The following CORO2B variants were observed in gnomAD, a reference collection of about 807,000 sequenced individuals.
The protein encoded by CORO2B is coronin-2B.
A neutral mutation model predicts 58.8 loss-of-function variants in CORO2B; 26 were observed. The observed-to-expected ratio is 0.44, with a 90% CI of 0.32 to 0.61. The LOEUF (loss-of-function observed/expected upper bound fraction) is 0.61. CORO2B is among the 20% of genes least tolerant of loss of function. The pLI, the probability that CORO2B is intolerant of heterozygous loss-of-function variation, is 0.04. For missense variants in CORO2B, 460 were observed against 645.1 expected (o/e 0.71, Z 3.11); for synonymous variants, 242 against 253.8 (o/e 0.95, Z 0.44).
chr15:68,536,325 A>G, the CORO2B span, among the ~76,000 whole-genome samples: 1 of 152,340 alleles, frequency 6.6e-6, no homozygotes, highest in Non-Finnish European at 1.5e-5. Context: ...CAAGAATTTC[A>G]TGTGACTTGC....
At chr15:68,552,545 GGGA>G in the CORO2B span, among the ~76,000 whole-genome samples, 59 of 152,264 alleles carry the variant, frequency 3.9e-4, no homozygotes, top group Admixed American at 1.9e-3. Flanking sequence ...CCCCATCAGA[GGGA>G]GTCTGTGTGC....
chr15:68,649,068 A>G (rs765406888), intron 2 of CORO2B, among the ~76,000 whole-genome samples: 3 of 152,204 alleles, frequency 2.0e-5, no homozygotes, highest in Non-Finnish European at 2.9e-5. Flanking sequence ...GCTTCCTCTC[A>G]ATTTCTGTAA....
At chr15:68,718,409 G>A (rs2140333001) in intron 8 of CORO2B, among the ~76,000 whole-genome samples, 1 of 152,284 alleles carries the variant, frequency 6.6e-6, no homozygotes, top group South Asian at 2.1e-4. Context: ...TCTAGAAAAG[G>A]AGTGGGCTAG....
At chr15:68,697,855 T>A (rs931869622) in intron 3 of CORO2B, among the ~76,000 whole-genome samples, 1 of 152,102 alleles carries the variant, frequency 6.6e-6, no homozygotes, top group Non-Finnish European at 1.5e-5. Flanking sequence ...CTGGGGTCAG[T>A]GGGAGAGAGG....
chr15:68,630,412 G>A (rs941998206), intron 1 of CORO2B, among the ~76,000 whole-genome samples: 1 of 136,262 alleles, frequency 7.3e-6, no homozygotes, highest in Non-Finnish European at 1.5e-5. Flanking sequence ...AGAAAACCTC[G>A]AAATGAAATG....
chr15:68,518,406 C>G, the CORO2B span, among the ~76,000 whole-genome samples: 1 of 152,164 alleles, frequency 6.6e-6, no homozygotes, highest in Non-Finnish European at 1.5e-5. Context: ...GCTTCCCTCT[C>G]CTTTCTTCTT....
the CORO2B span, among the ~76,000 whole-genome samples, chr15:68,521,277 T>C: frequency 6.6e-6 from 1 of 152,248 alleles, no homozygotes; most frequent in Non-Finnish European, 1.5e-5. Flanking sequence ...TTACATTCTG[T>C]TACTATTATT....
the CORO2B span, among the ~76,000 whole-genome samples, chr15:68,541,234 C>A: frequency 2.2e-4 from 32 of 148,132 alleles, no homozygotes; most frequent in Admixed American, 2.7e-4. Context: ...GACCCTGTCT[C>A]AAATAAAAAA....
the CORO2B span, among the ~76,000 whole-genome samples, chr15:68,545,040 C>G: frequency 1.0e-2 from 1,522 of 152,256 alleles, 25 homozygotes; most frequent in African/African-American, 0.034. Context: ...TCCCAAAGTG[C>G]TGGGATTACA....
In CORO2B at chr15:68,648,281, G is replaced by A. The variant is rs553965611; in HGVS notation, c.216+2921G>A. Among the ~76,000 whole-genome samples, 31 of 148,938 alleles carry A rather than the reference G, an allele frequency of 2.1e-4. No homozygotes were observed. The East Asian group carries it at 5.0e-3, about 24-fold the overall frequency. On this transcript the variant is annotated intron_variant, in intron 2 of 11. Transcript: ENST00000261861. ...CCGGGAGGCAGAGGTTGCAGTGGGC[G>A]AGATTGCGCTACTGCACTCCAGCCT...
chr15:68,621,448 G>T (rs1292878079), intron 1 of CORO2B, among the ~76,000 whole-genome samples: 1 of 152,202 alleles, frequency 6.6e-6, no homozygotes, highest in South Asian at 2.1e-4. Flanking sequence ...TATTGAATAG[G>T]GTTTGGCAGG....
In CORO2B at chr15:68,645,504, T is replaced by A; in HGVS notation, c.216+144T>A. 1 of 761,292 alleles carries A rather than the reference T, an allele frequency of 1.3e-6. No individual in the cohort carries two copies. Among genetic ancestry groups the A allele is most frequent in the South Asian group, 1.9e-5 (1 of 53,200 alleles). The allele number at this position is 761,292 out of a possible 1,614,324, so 47.2% of individuals were successfully genotyped here. On this transcript the variant is annotated intron_variant, in intron 2 of 11. Coordinates refer to ENST00000261861, the MANE Select transcript of CORO2B (RefSeq NM_006091.5). This position sits in a 1 kb window ranked among gnomAD's most constrained non-coding sequence, Gnocchi z 4.5. Reference sequence around the variant, plus strand: ...CAAGCATCTAGTGGCTATGCCTTCTTTAGGGTTTTCCTGAGATTCAACAGA... The same window carrying A: ...CAAGCATCTAGTGGCTATGCCTTCTATAGGGTTTTCCTGAGATTCAACAGA...
At chr15:68,570,942 T>A in the CORO2B span, among the ~76,000 whole-genome samples, 1 of 151,966 alleles carries the variant, frequency 6.6e-6, no homozygotes, top group Non-Finnish European at 1.5e-5. Context: ...CCCAGCTATG[T>A]TATTATTCCT....
intron 6 of CORO2B, 81 bp from the exon 7 acceptor site, chr15:68,714,478 T>C: frequency 9.4e-7 from 1 of 1,065,662 alleles, no homozygotes; most frequent in Non-Finnish European, 1.5e-6. Flanking sequence ...GTAGTTGCCA[T>C]CCTAAGAGGC....
At chr15:68,631,728 G>A (rs529217380) in intron 1 of CORO2B, among the ~76,000 whole-genome samples, 1 of 152,338 alleles carries the variant, frequency 6.6e-6, no homozygotes, top group Non-Finnish European at 1.5e-5. Context: ...AATGCTGCAG[G>A]TGTTCAGGGG....
At chr15:68,603,763 G>A (rs1421554514) in intron 1 of CORO2B, among the ~76,000 whole-genome samples, 24 of 152,132 alleles carry the variant, frequency 1.6e-4, no homozygotes, top group Admixed American at 1.6e-3. Flanking sequence ...CAACCCTGCT[G>A]GACCTTGATG....
chr15:68,605,117 G>GAAA (rs141021846), intron 1 of CORO2B, among the ~76,000 whole-genome samples: 2 of 124,496 alleles, frequency 1.6e-5, no homozygotes, highest in Non-Finnish European at 1.7e-5. Context: ...CCGTCTCAAG[G>GAAA]AAAAAAAAAA....
chr15:68,697,995 TGGTGTCACCAGCCAGCA>T (rs1892554828), intron 3 of CORO2B, among the ~76,000 whole-genome samples: 1 of 152,154 alleles, frequency 6.6e-6, no homozygotes, highest in African/African-American at 2.4e-5. Context: ...TGACCCCAGC[TGGTGTCACCAGCCAGCA>T]GGTAGTAGCC....
At chr15:68,635,469 C>T (rs1901003735) in intron 1 of CORO2B, among the ~76,000 whole-genome samples, 1 of 152,216 alleles carries the variant, frequency 6.6e-6, no homozygotes, top group Non-Finnish European at 1.5e-5. Flanking sequence ...AGACAGACTC[C>T]CATGGGATCT....
Sources: allele counts gnomAD v4.1 joint callset (sites outside exome capture counted in the v4.1 genomes callset), GRCh38; gene constraint gnomAD v4.1.1; non-coding constraint Gnocchi (gnomAD v3.1); transcripts MANE v1.5; gene names NCBI Gene and HGNC (gene_info 2026-07-23, HGNC 2026-07-21).